The following GAS2L3 variants were observed in gnomAD, a reference collection of about 807,000 sequenced individuals.
The protein encoded by GAS2L3 is GAS2-like protein 3.
In GAS2L3, 28 loss-of-function variants were observed where a neutral mutation model predicts 37.0. That is an observed-to-expected ratio of 0.76 (90% CI 0.56 to 1.04). GAS2L3 has a LOEUF of 1.04. Among genes scored for constraint, GAS2L3 ranks in the 50% least tolerant of loss-of-function variants. GAS2L3 has a pLI of 0.00. For synonymous variants in GAS2L3, 290 were observed against 296.6 expected (o/e 0.98, Z 0.23); for missense variants, 793 against 817.6 (o/e 0.97, Z 0.37).
intron 5 of GAS2L3, among the ~76,000 whole-genome samples, 154 bp downstream of exon 5, chr12:100,601,907 T>A (rs1955995213): frequency 6.6e-6 from 1 of 152,192 alleles, no homozygotes; most frequent in Non-Finnish European, 1.5e-5. Flanking sequence ...AAAAATGTTC[T>A]CTTTCATAAA....
At chr12:100,588,619 T>C (rs1955808885) in intron 1 of GAS2L3, among the ~76,000 whole-genome samples, 1 of 152,120 alleles carries the variant, frequency 6.6e-6, no homozygotes. Flanking sequence ...ACCACAAATT[T>C]ACCAGGGCGG....
intron 8 of GAS2L3, among the ~76,000 whole-genome samples, chr12:100,618,975 C>T (rs893477963): frequency 8.6e-5 from 13 of 151,926 alleles, no homozygotes; most frequent in African/African-American, 3.1e-4. Context: ...ATAATCCAGG[C>T]ATAAGATGAG....
intron 1 of GAS2L3, chr12:100,579,742 G>A: frequency 2.7e-6 from 2 of 736,876 alleles, no homozygotes; most frequent in Non-Finnish European, 5.0e-6. Flanking sequence ...ACCAGGGTTG[G>A]TGGAATTCCT....
Position 100,625,919 on chromosome 12 carries a change from C to G in GAS2L3, c.*1029C>G, listed in dbSNP as rs1185554588. On this transcript the variant is annotated 3_prime_UTR_variant, in exon 10 of 10. Transcript: ENST00000547754. ...AATTTCTTCCAATTAGGTTACTTTT[C>G]TTTAATAAAGTTATGCTGCCTTCAG... 6.6e-6 allele frequency: 1 copy of G among 152,088 alleles called. No homozygotes were observed. The highest frequency in any genetic ancestry group is 1.5e-5 in the Non-Finnish European group (1 of 68,002). 9.4% of individuals were successfully genotyped at this position (152,088 alleles called of 1,614,324 possible).
chr12:100,588,885 A>G (rs1308174335), intron 1 of GAS2L3, among the ~76,000 whole-genome samples: 2 of 152,108 alleles, frequency 1.3e-5, no homozygotes, highest in East Asian at 3.9e-4. Context: ...GCCTGACCCC[A>G]CGGGCAGTCA....
chr12:100,606,527 A>C (rs1956059116), intron 5 of GAS2L3, among the ~76,000 whole-genome samples: 1 of 151,712 alleles, frequency 6.6e-6, no homozygotes, highest in Admixed American at 6.6e-5. Context: ...TATTCCTGCC[A>C]TTTTGTTGTT....
At chr12:100,606,302 T>C (rs1324566269) in intron 5 of GAS2L3, among the ~76,000 whole-genome samples, 1 of 152,112 alleles carries the variant, frequency 6.6e-6, no homozygotes, top group African/African-American at 2.4e-5. Context: ...GATATAAATA[T>C]AGCTACTACT....
intron 5 of GAS2L3, among the ~76,000 whole-genome samples, chr12:100,610,376 C>T (rs763374439): frequency 5.9e-5 from 9 of 152,192 alleles, no homozygotes; most frequent in Admixed American, 1.3e-4. Flanking sequence ...TATATGCACA[C>T]ATACACACAC....
rs928534196 is a variant in GAS2L3, at chr12:100,587,108, C to T, written c.-151-4628C>T. Among the ~76,000 whole-genome samples the T allele has an allele frequency of 2.0e-5, 3 of 152,092 alleles. 1 individual carries two copies. The highest frequency in any genetic ancestry group is 2.0e-4 in the Admixed American group (3 of 15,268). The stretch of plus-strand genomic sequence containing the variant: ...AAGAAATTACCAACAAAAAAGAAGT[C>T]CAGGACAAGATAGATTCACAACAGA... On this transcript the variant is annotated intron_variant, in intron 1 of 9. Coordinates refer to ENST00000547754, the MANE Select transcript of GAS2L3 (RefSeq NM_174942.3).
chr12:100,611,026 G>T (rs1956121481), intron 5 of GAS2L3: 1 of 139,870 alleles, frequency 7.1e-6, no homozygotes. Flanking sequence ...TTGCTCTGTT[G>T]CCCAGGTTGG....
chr12:100,628,257 T>G lies in GAS2L3; in HGVS notation c.*3367T>G, dbSNP rs1435611009. On this transcript the variant is annotated 3_prime_UTR_variant, in exon 10 of 10. Transcript: ENST00000547754. ...TGTATCCAATTTTAACTTAGGTTTG[T>G]TTTCTTGAGTATTAAAATTTAAACA... The G allele has an allele frequency of 6.6e-6, 1 of 152,316 alleles. No homozygotes were observed. The highest frequency in any genetic ancestry group is 2.1e-4 in the South Asian group (1 of 4,828). The allele number at this position is 152,316 out of a possible 1,614,324, so 9.4% of individuals were successfully genotyped here. A position where few individuals can be genotyped will look rare whatever the true frequency, so the allele number is the denominator to read the frequency against.
At chr12:100,574,647 A>T (rs1955613103) in intron 1 of GAS2L3, among the ~76,000 whole-genome samples, 1 of 152,174 alleles carries the variant, frequency 6.6e-6, no homozygotes, top group African/African-American at 2.4e-5. Context: ...GGTTGCAAAG[A>T]GATGATTTTA....
chr12:100,602,490 A>G (rs571639570), intron 5 of GAS2L3, among the ~76,000 whole-genome samples: 2 of 151,922 alleles, frequency 1.3e-5, no homozygotes, highest in South Asian at 2.1e-4. Context: ...AAAATAAAGT[A>G]TATCTTGTAA....
intron 2 of GAS2L3, chr12:100,593,617 T>C (rs557299104): frequency 6.6e-6 from 1 of 152,270 alleles, no homozygotes; most frequent in Non-Finnish European, 1.5e-5. Flanking sequence ...CTTGTCTGAT[T>C]ATGTGGAACT....
intron 8 of GAS2L3, among the ~76,000 whole-genome samples, chr12:100,619,004 A>G (rs537442355): frequency 5.8e-4 from 88 of 152,236 alleles, no homozygotes; most frequent in African/African-American, 2.0e-3. Context: ...CTTGAGCAGC[A>G]GTAATGGGGA....
chr12:100,596,057 A>G (rs1955907828), intron 3 of GAS2L3, among the ~76,000 whole-genome samples: 2 of 151,788 alleles, frequency 1.3e-5, no homozygotes, highest in African/African-American at 4.8e-5. Flanking sequence ...CCTGTTGTCC[A>G]CCTTCCTATA....
intron 9 of GAS2L3, among the ~76,000 whole-genome samples, chr12:100,622,933 G>T (rs1956278029): frequency 6.6e-6 from 1 of 151,746 alleles, no homozygotes; most frequent in African/African-American, 2.4e-5. Flanking sequence ...TTGATTAATT[G>T]TTCCTTTTGT....
intron 1 of GAS2L3, chr12:100,579,539 A>G (rs1955681806): frequency 1.3e-6 from 1 of 774,224 alleles, no homozygotes; most frequent in South Asian, 1.3e-5. Flanking sequence ...GAGAGGGACC[A>G]AAGAGAATCA....
At position 100,617,762 on chromosome 12, in the gene GAS2L3, GA is replaced by G; in HGVS notation, c.465del (p.Arg155SerfsTer24). On this transcript the variant is annotated frameshift_variant, in exon 7 of 10. Transcript: ENST00000547754. LOFTEE classifies it high-confidence loss of function. ...TCCACAGTTTTGCACAAAGATCCAA[GA>G]CAGGTGTATCTTTGTCTTCTTGAAA... ...SEGLVLHKDP[R>X]QVYLCLLEIG... 6.2e-7 allele frequency: 1 copy of G among 1,606,588 alleles called. No individual in the cohort carries two copies. Among genetic ancestry groups the G allele is most frequent in the Non-Finnish European group, 8.5e-7 (1 of 1,174,038 alleles).
Sources: gnomAD v4.1 joint callset for allele counts (sites outside exome capture counted in the v4.1 genomes callset) on GRCh38, gnomAD v4.1.1 for gene constraint, MANE v1.5 for transcripts, NCBI Gene and HGNC (gene_info 2026-07-23, HGNC 2026-07-21) for gene names.